Variants in PPP2R5C observed in about 807,000 individuals in gnomAD.
The protein encoded by PPP2R5C is protein phosphatase 2 regulatory subunit B'gamma, also known as serine/threonine-protein phosphatase 2A 56 kDa regulatory subunit gamma isoform.
Under a neutral mutation model 68.9 loss-of-function variants are expected in PPP2R5C, and 7 were observed. That is an observed-to-expected ratio of 0.10 (90% CI 0.06 to 0.19). The LOEUF (loss-of-function observed/expected upper bound fraction) is 0.19, where lower values mean the gene tolerates loss of function less well. PPP2R5C is among the 10% of genes least tolerant of loss of function. The pLI is 1.00. For missense variants in PPP2R5C, 348 were observed against 641.3 expected, an observed-to-expected ratio of 0.54 and a Z score of 4.94; for synonymous variants, 210 against 222.2, an observed-to-expected ratio of 0.95 and a Z score of 0.49.
chr14:101,823,392 T>A (rs1176290240), intron 1 of PPP2R5C, among the ~76,000 whole-genome samples: 1 of 152,226 alleles, frequency 6.6e-6, no homozygotes, highest in Admixed American at 6.5e-5. Flanking sequence ...CATTCATCTC[T>A]TCTAGGGTTT....
intron 2 of PPP2R5C, among the ~76,000 whole-genome samples, chr14:101,783,949 G>A (rs1386778649): frequency 6.6e-6 from 1 of 152,206 alleles, no homozygotes; most frequent in African/African-American, 2.4e-5. Context: ...TGTCTAACTG[G>A]GGGATTCTGT....
At chr14:101,871,335 G>A (rs575636180) in intron 2 of PPP2R5C, among the ~76,000 whole-genome samples, 7 of 151,976 alleles carry the variant, frequency 4.6e-5, no homozygotes, top group East Asian at 3.9e-4. Flanking sequence ...TCCGCCTCCC[G>A]GGTTCATGCC....
intron 3 of PPP2R5C, among the ~76,000 whole-genome samples, chr14:101,789,129 A>G (rs1383333658): frequency 6.6e-6 from 1 of 152,208 alleles, no homozygotes; most frequent in East Asian, 1.9e-4. Flanking sequence ...CTGCATATAT[A>G]GTCCTGTTGT....
intron 3 of PPP2R5C, among the ~76,000 whole-genome samples, chr14:101,793,485 G>A (rs1416658324): frequency 1.3e-5 from 2 of 152,192 alleles, no homozygotes; most frequent in Non-Finnish European, 2.9e-5. Flanking sequence ...CCACTTACTC[G>A]CTGCTCCACC....
intron 1 of PPP2R5C, among the ~76,000 whole-genome samples, chr14:101,811,828 G>A (rs903531906): frequency 7.9e-5 from 12 of 151,966 alleles, no homozygotes; most frequent in African/African-American, 2.2e-4. Flanking sequence ...TTCTGAAATA[G>A]AATCATTTCA....
At chr14:101,887,522 C>T (rs901805680) in intron 5 of PPP2R5C, among the ~76,000 whole-genome samples, 4 of 152,222 alleles carry the variant, frequency 2.6e-5, no homozygotes, top group African/African-American at 9.6e-5. Context: ...GGTTCTGCTC[C>T]GTGGCGTGTG....
chr14:101,921,850 T>G, intron 13 of PPP2R5C: 1 of 488,780 alleles, frequency 2.0e-6, no homozygotes, highest in Non-Finnish European at 2.7e-6. Context: ...TGTATCTACC[T>G]ATCCTTTATT....
intron 1 of PPP2R5C, among the ~76,000 whole-genome samples, chr14:101,849,332 A>G (rs542899167): frequency 2.2e-4 from 34 of 152,216 alleles, no homozygotes; most frequent in African/African-American, 7.2e-4. Context: ...TGCCCCGCCC[A>G]TGGGTGGTGT....
At chr14:101,922,843 A>C (rs1184820523) in intron 13 of PPP2R5C, among the ~76,000 whole-genome samples, 1 of 152,124 alleles carries the variant, frequency 6.6e-6, no homozygotes, top group Non-Finnish European at 1.5e-5. Flanking sequence ...ATTTTAAAGA[A>C]ATTTGGTCCC....
At chr14:101,837,039 A>G (rs1010240643) in intron 1 of PPP2R5C, among the ~76,000 whole-genome samples, 2 of 152,254 alleles carry the variant, frequency 1.3e-5, no homozygotes, top group African/African-American at 4.8e-5. Context: ...CTCACAGGTC[A>G]TGTGGTAGAC....
chr14:101,888,644 T>G lies in PPP2R5C; in HGVS notation c.630-1593T>G, dbSNP rs2044671656. Among the ~76,000 whole-genome samples the G allele has an allele frequency of 6.6e-6, 1 of 152,202 alleles. No individual in the cohort carries two copies. Among genetic ancestry groups the G allele is most frequent in the African/African-American group, 2.4e-5 (1 of 41,456 alleles). The stretch of plus-strand genomic sequence containing the variant: ...AGGGTCTCTGTTGCCCAGGCTGGAA[T>G]GCAGTGGCGCCATCTCAGCTCACTG... On this transcript the variant is annotated intron_variant, in intron 5 of 13. Coordinates refer to ENST00000334743, the Ensembl canonical transcript of PPP2R5C. The surrounding 1 kb of genome is among the most constrained non-coding windows in gnomAD (Gnocchi z 5.6).
At chr14:101,814,707 G>A (rs1279071307) in intron 1 of PPP2R5C, among the ~76,000 whole-genome samples, 1 of 152,200 alleles carries the variant, frequency 6.6e-6, no homozygotes, top group African/African-American at 2.4e-5. Context: ...AATAGGGTGT[G>A]TGTTTTTAAA....
chr14:101,845,043 G>T, intron 1 of PPP2R5C, among the ~76,000 whole-genome samples: 1 of 151,950 alleles, frequency 6.6e-6, no homozygotes, highest in East Asian at 1.9e-4. Flanking sequence ...AGAGTCCTAT[G>T]TGGGAAATAT....
intron 2 of PPP2R5C, among the ~76,000 whole-genome samples, chr14:101,866,507 T>A (rs1176170009): frequency 6.6e-6 from 1 of 151,998 alleles, no homozygotes; most frequent in African/African-American, 2.4e-5. Context: ...CCATCTCTAC[T>A]AAAAATACAA....
At chr14:101,890,422 T>C (rs2044792208) in intron 6 of PPP2R5C, 126 bp downstream of exon 8, 2 of 893,160 alleles carry the variant, frequency 2.2e-6, no homozygotes, top group African/African-American at 1.7e-5. Context: ...AGAATTCAAA[T>C]ACAATTTCAC....
At chr14:101,844,393 A>T (rs1177473655) in intron 1 of PPP2R5C, among the ~76,000 whole-genome samples, 1 of 152,102 alleles carries the variant, frequency 6.6e-6, no homozygotes, top group Non-Finnish European at 1.5e-5. Context: ...GGCACGTGAC[A>T]TGGTACCCGT....
chr14:101,847,952 G>A (rs572120790), intron 1 of PPP2R5C, among the ~76,000 whole-genome samples: 19 of 151,936 alleles, frequency 1.3e-4, no homozygotes, highest in Admixed American at 9.8e-4. Flanking sequence ...CACTGTGCCC[G>A]GCATGAGCCA....
chr14:101,822,928 G>GT, intron 1 of PPP2R5C, among the ~76,000 whole-genome samples: 1 of 152,138 alleles, frequency 6.6e-6, no homozygotes, highest in Non-Finnish European at 1.5e-5. Context: ...GCACCCATGT[G>GT]TTTATGTAAA....
intron 11 of PPP2R5C, among the ~76,000 whole-genome samples, 199 bp downstream of exon 13, chr14:101,909,889 C>G (rs2046290503): frequency 6.6e-6 from 1 of 152,196 alleles, no homozygotes; most frequent in Non-Finnish European, 1.5e-5. Flanking sequence ...CTATTCTCCC[C>G]CCTTGTATTG....
Sources: gnomAD v4.1 joint callset for allele counts (sites outside exome capture counted in the v4.1 genomes callset) on GRCh38, gnomAD v4.1.1 for gene constraint, Gnocchi (gnomAD v3.1) non-coding constraint, MANE v1.5 for transcripts, NCBI Gene and HGNC (gene_info 2026-07-23, HGNC 2026-07-21) for gene names.